The following RBMS2 variants were observed in gnomAD, a reference collection of about 807,000 sequenced individuals.
RBMS2 encodes RNA-binding motif, single-stranded-interacting protein 2.
In RBMS2, 38 loss-of-function variants were observed where a neutral mutation model predicts 58.4. That is an observed-to-expected ratio of 0.65 (90% CI 0.50 to 0.85). The LOEUF (loss-of-function observed/expected upper bound fraction) is 0.85. Ranked by LOEUF, RBMS2 falls within the 40% of genes least tolerant of loss-of-function variation. The pLI is 0.00. For synonymous variants in RBMS2, 151 were observed against 180.7 expected, an observed-to-expected ratio of 0.84 and a Z score of 1.32; for missense variants, 367 against 503.7, an observed-to-expected ratio of 0.73 and a Z score of 2.60.
chr12:56,543,843 T>C (rs1404136942), intron 1 of RBMS2, among the ~76,000 whole-genome samples: 2 of 151,222 alleles, frequency 1.3e-5, no homozygotes, highest in African/African-American at 4.9e-5. Context: ...AATTTTTGTA[T>C]TTTTAGTGGA....
At chr12:56,572,805 T>G in intron 5 of RBMS2, 1 of 985,212 alleles carries the variant, frequency 1.0e-6, no homozygotes, top group Non-Finnish European at 1.2e-6. Flanking sequence ...TTGGGAGACC[T>G]GTATTCCAGA....
At chr12:56,579,001 A>G (rs1883531303) in intron 5 of RBMS2, among the ~76,000 whole-genome samples, 1 of 152,152 alleles carries the variant, frequency 6.6e-6, no homozygotes, top group Non-Finnish European at 1.5e-5. Flanking sequence ...ATTATATGCC[A>G]AGAACCAAGG....
chr12:56,545,536 C>T (rs1877003194), intron 1 of RBMS2, among the ~76,000 whole-genome samples: 1 of 152,032 alleles, frequency 6.6e-6, no homozygotes, highest in Admixed American at 6.6e-5. Context: ...TTTTATTATC[C>T]CCAAAAGGAA....
chr12:56,567,735 G>A (rs896974359), intron 2 of RBMS2, among the ~76,000 whole-genome samples: 2 of 151,988 alleles, frequency 1.3e-5, no homozygotes, highest in Non-Finnish European at 2.9e-5. Context: ...GGAGGCTGAG[G>A]CAGGAGAATT....
chr12:56,585,861 A>G (rs1213974415), intron 9 of RBMS2, among the ~76,000 whole-genome samples: 1 of 152,220 alleles, frequency 6.6e-6, no homozygotes, highest in Non-Finnish European at 1.5e-5. Context: ...GTGGCAGTGT[A>G]AAACACTTGT....
At chr12:56,575,944 T>G (rs1016242803) in intron 5 of RBMS2, among the ~76,000 whole-genome samples, 2 of 152,116 alleles carry the variant, frequency 1.3e-5, no homozygotes, top group African/African-American at 4.8e-5. Flanking sequence ...TGGTTTTACT[T>G]TCTATGGTTT....
chr12:56,552,968 C>T (rs1254391374), intron 1 of RBMS2, among the ~76,000 whole-genome samples: 2 of 146,010 alleles, frequency 1.4e-5, no homozygotes, highest in African/African-American at 5.2e-5. Context: ...TCGCTTTATC[C>T]CCCAGGCTGG....
intron 1 of RBMS2, among the ~76,000 whole-genome samples, chr12:56,557,741 CT>C (rs529458824): frequency 0.053 from 7,534 of 141,256 alleles, 571 homozygotes; most frequent in African/African-American, 0.18. Flanking sequence ...CTTTTCTTTT[CT>C]TTTTTTTTTT....
At chr12:56,529,906 G>T (rs1446840800) in intron 1 of RBMS2, among the ~76,000 whole-genome samples, 1 of 152,068 alleles carries the variant, frequency 6.6e-6, no homozygotes, top group Non-Finnish European at 1.5e-5. Flanking sequence ...AAGTACCATT[G>T]AATTTATGCT....
At chr12:56,565,302 G>A (rs1327134954) in intron 2 of RBMS2, among the ~76,000 whole-genome samples, 2 of 152,044 alleles carry the variant, frequency 1.3e-5, no homozygotes, top group African/African-American at 4.8e-5. Flanking sequence ...TCGGGACTTG[G>A]GTATTTGGTG....
At position 56,589,443 on chromosome 12, in the gene RBMS2, C is replaced by G. The variant is rs1885141831; in HGVS notation, c.*310C>G. The G allele has an allele frequency of 2.0e-6, 1 of 510,688 alleles. No homozygotes were observed. The highest frequency in any genetic ancestry group is 2.8e-5 in the South Asian group (1 of 36,132). 31.6% of individuals were successfully genotyped at this position (510,688 alleles called of 1,614,324 possible). A position where few individuals can be genotyped will look rare whatever the true frequency, so the allele number is the denominator to read the frequency against. ...TTTTTAACTGCAACGTACTTTTCCC[C>G]TACCTTGAAGAGACATGGTGGTCGC... On this transcript the variant is annotated 3_prime_UTR_variant, in exon 14 of 14. Coordinates refer to ENST00000262031, the MANE Select transcript of RBMS2 (RefSeq NM_002898.4).
chr12:56,557,108 C>T (rs1879367595), intron 1 of RBMS2, among the ~76,000 whole-genome samples: 1 of 152,112 alleles, frequency 6.6e-6, no homozygotes, highest in African/African-American at 2.4e-5. Flanking sequence ...ATTAGAACTT[C>T]CTCAGCTGAG....
intron 1 of RBMS2, among the ~76,000 whole-genome samples, chr12:56,526,261 TG>T (rs1320648784): frequency 2.6e-5 from 4 of 151,950 alleles, no homozygotes; most frequent in African/African-American, 9.7e-5. Flanking sequence ...GAGCCGAGAT[TG>T]TGCCACTGCA....
At chr12:56,521,682 T>C (rs1440758170), upstream of RBMS2, among the ~76,000 whole-genome samples, 1 of 151,664 alleles carries the variant, frequency 6.6e-6, no homozygotes, top group Non-Finnish European at 1.5e-5. Flanking sequence ...GGGTTAGACC[T>C]AAGAACTCTT....
intron 5 of RBMS2, chr12:56,572,721 A>G: frequency 1.1e-6 from 1 of 938,986 alleles, no homozygotes; most frequent in Non-Finnish European, 1.3e-6. Context: ...TGGGTGTTAG[A>G]GCAGAGCCCT....
At position 56,546,321 on chromosome 12, in the gene RBMS2, AAAT is replaced by A. The variant is rs1001427133; in HGVS notation, c.67-16088_67-16086del. Among the ~76,000 whole-genome samples the A allele has an allele frequency of 5.6e-3, 536 of 96,234 alleles. 5 individuals carry two copies. The highest frequency in any genetic ancestry group is 0.019 in the African/African-American group (516 of 26,728). The allele number at this position is 96,234 out of a possible 152,430, so 63.1% of individuals were successfully genotyped here. ...GCATTATAAAATAATACATTATAAA[AAAT>A]AATAATACATTATAATACATTATAA... On this transcript the variant is annotated intron_variant, in intron 1 of 13. Coordinates refer to ENST00000262031, the MANE Select transcript of RBMS2 (RefSeq NM_002898.4).
At position 56,581,408 on chromosome 12, in the gene RBMS2, A is replaced by T; in HGVS notation, c.632A>T (p.Asp211Val). 6.2e-7 allele frequency: 1 copy of T among 1,614,176 alleles called. No homozygotes were observed. ...CCTTCTCTCTCGGCAGCCCCATCCG[A>T]TCCCTTGCTTTGCAAATTTGCTGAT... ...KTPPGVPAPS[D>V]PLLCKFADGG... The change falls in exon 7 of 14, where the codon GAT becomes GTT. Residue 211 changes from aspartate (D) to valine (V), a missense_variant. Transcript: ENST00000262031.
chr12:56,577,843 C>T (rs1883364309), intron 5 of RBMS2, among the ~76,000 whole-genome samples: 1 of 152,112 alleles, frequency 6.6e-6, no homozygotes, highest in African/African-American at 2.4e-5. Flanking sequence ...CCGCCACGCC[C>T]GGCTAATTTT....
intron 5 of RBMS2, among the ~76,000 whole-genome samples, chr12:56,573,526 C>A (rs1882673169): frequency 6.7e-6 from 1 of 150,218 alleles, no homozygotes; most frequent in African/African-American, 2.5e-5. Flanking sequence ...AGAAATAGTT[C>A]CTCTTCCCCA....
Sources: gnomAD v4.1 joint callset for allele counts (sites outside exome capture counted in the v4.1 genomes callset) on GRCh38, gnomAD v4.1.1 for gene constraint, MANE v1.5 for transcripts, NCBI Gene and HGNC (gene_info 2026-07-23, HGNC 2026-07-21) for gene names.